CCN5: variants seen among roughly 807,000 people sequenced by gnomAD.
CCN5 encodes the protein CCN family member 5.
CCN5 carries 17 observed loss-of-function variants against 18.7 expected under a neutral mutation model. The observed-to-expected ratio is 0.91, with a 90% CI of 0.62 to 1.36. The LOEUF (loss-of-function observed/expected upper bound fraction) is 1.36. Among genes scored for constraint, CCN5 ranks in the 40% most tolerant of loss-of-function variants. The pLI is 0.00. For synonymous variants in CCN5, 135 were observed against 145.2 expected (o/e 0.93, Z 0.50); for missense variants, 367 against 342.9 (o/e 1.07, Z -0.56).
intron 2 of CCN5, 162 bp downstream of exon 2, chr20:44,720,275 C>T (rs1307984529): frequency 1.4e-6 from 1 of 729,536 alleles, no homozygotes; most frequent in African/African-American, 1.8e-5. Context: ...GCCCACTCCC[C>T]ACTCCCTCCT....
Position 44,725,434 on chromosome 20 carries a change from A to C in CCN5, c.532+442A>C, listed in dbSNP as rs148257898. ...GCCTGGCCGACAAGCACGAAACTTC[A>C]TCTCAAAAAGAGGAAAAAAGAAAGA... On this transcript the variant is annotated intron_variant, in intron 3 of 3. Transcript: ENST00000190983. Among the ~76,000 whole-genome samples, 609 of 150,960 alleles carry C rather than the reference A, an allele frequency of 4.0e-3. 9 individuals are homozygous for C. Among genetic ancestry groups the C allele is most frequent in the African/African-American group, 0.014 (575 of 41,038 alleles).
At chr20:44,722,278 A>G (rs750273391) in intron 2 of CCN5, among the ~76,000 whole-genome samples, 2 of 152,138 alleles carry the variant, frequency 1.3e-5, no homozygotes, top group South Asian at 2.1e-4. Context: ...GCTCTTCTCT[A>G]AGGGCCAACT....
rs543645792 is a variant in CCN5 at position 44,716,951 on chromosome 20, G to A, written c.60+1501G>A. Among the ~76,000 whole-genome samples, 8 of 152,286 alleles carry A rather than the reference G, an allele frequency of 5.3e-5. No homozygotes were observed. In the East Asian group the frequency reaches 7.7e-4, roughly 15 times the overall value. On this transcript the variant is annotated intron_variant, in intron 1 of 3. Transcript: ENST00000190983. ...GCCGTTTGTCCACATGTTCAGTCACGTAGCAAGTCACTGGCAGAACTTGAA... is the reference window on the plus strand; with the variant it reads ...GCCGTTTGTCCACATGTTCAGTCACATAGCAAGTCACTGGCAGAACTTGAA...
At position 44,727,663 on chromosome 20, in the gene CCN5, T is replaced by A; in HGVS notation, c.*356T>A. 1.7e-6 allele frequency: 1 copy of A among 605,384 alleles called. No individual in the cohort carries two copies. The highest frequency in any genetic ancestry group is 2.4e-6 in the Non-Finnish European group (1 of 416,242). The allele number at this position is 605,384 out of a possible 1,614,324, so 37.5% of individuals were successfully genotyped here. A position where few individuals can be genotyped will look rare whatever the true frequency, so the allele number is the denominator to read the frequency against. ...CCTGGGCAAGAGATGGGACAAGCAG[T>A]CCCTTAATATTGAGGCTGCAGCAGG... On this transcript the variant is annotated 3_prime_UTR_variant, in exon 4 of 4. Coordinates refer to ENST00000190983, the MANE Select transcript of CCN5 (RefSeq NM_003881.4).
At position 44,727,784 on chromosome 20, in the gene CCN5, T is replaced by C. The variant is rs2065947041; in HGVS notation, c.*477T>C. On this transcript the variant is annotated 3_prime_UTR_variant, in exon 4 of 4. Coordinates refer to ENST00000190983, the MANE Select transcript of CCN5 (RefSeq NM_003881.4). ...GCTGCCTTTTCTGGAGTTTGTAAAA[T>C]TGTTCCTGAATACAAGCCTATGCGT... is the stretch of plus-strand genomic sequence containing the variant. 1 of 215,398 alleles carries C rather than the reference T, an allele frequency of 4.6e-6. No individual in the cohort carries two copies. The highest frequency in any genetic ancestry group is 5.9e-5 in the Admixed American group (1 of 16,948). 13.3% of individuals were successfully genotyped at this position (215,398 alleles called of 1,614,324 possible).
intron 2 of CCN5, chr20:44,720,911 C>T (rs2065894704): frequency 6.6e-6 from 1 of 152,060 alleles, no homozygotes; most frequent in Non-Finnish European, 1.5e-5. Context: ...TAGCAGCATC[C>T]CCGAACTCCA....
In CCN5 at chr20:44,724,958, A is replaced by T. The variant is rs1426741081; in HGVS notation, c.498A>T (p.Gly166=). The change falls in exon 3 of 4, where the codon GGA becomes GGT. Residue 166 remains glycine (G), a synonymous_variant. Transcript: ENST00000190983. ...GCCCTGAGTGGGTGTGCGGCCAAGGAGGGGGACTGGGGACCCAGCCCCTTC... is the reference window on the plus strand; with the variant it reads ...GCCCTGAGTGGGTGTGCGGCCAAGGTGGGGGACTGGGGACCCAGCCCCTTC... ...KCCPEWVCGQ[G]GGLGTQPLPA... 2 of 1,596,076 alleles carry T rather than the reference A, an allele frequency of 1.3e-6. No individual in the cohort carries two copies. Among genetic ancestry groups the T allele is most frequent in the Admixed American group, 1.7e-5 (1 of 57,746 alleles).
At chr20:44,723,984 G>A (rs574225201) in intron 2 of CCN5, 1 of 152,352 alleles carries the variant, frequency 6.6e-6, no homozygotes, top group Non-Finnish European at 1.5e-5. Flanking sequence ...CAGCCCTCAA[G>A]GAGTTCATGT....
At chr20:44,725,658 A>G (rs2065931434) in intron 3 of CCN5, among the ~76,000 whole-genome samples, 1 of 151,768 alleles carries the variant, frequency 6.6e-6, no homozygotes, top group African/African-American at 2.4e-5. Context: ...TAGAATATAT[A>G]ATATTATCGT....
At position 44,720,040 on chromosome 20, in the gene CCN5, C is replaced by T. The variant is rs375710745; in HGVS notation, c.204C>T (p.His68=). The change falls in exon 2 of 4, where the codon CAC becomes CAT. Residue 68 remains histidine (H), a synonymous_variant. Transcript: ENST00000190983. The part of the protein sequence containing the change: ...RRLGEPCDQL[H]VCDASQGLVC... ...TGGGGGAGCCCTGCGACCAACTCCA[C>T]GTCTGCGACGCCAGCCAGGGCCTGG... The T allele has an allele frequency of 6.6e-5, 106 of 1,598,108 alleles. No individual in the cohort carries two copies. The African/African-American group carries it at 8.5e-4, about 13-fold the overall frequency.
intron 2 of CCN5, among the ~76,000 whole-genome samples, chr20:44,723,037 G>A (rs972497741): frequency 6.6e-6 from 1 of 152,062 alleles, no homozygotes; most frequent in Non-Finnish European, 1.5e-5. Context: ...CCATCTCAGA[G>A]GAAAAGCCAA....
chr20:44,721,903 G>A (rs905920127), intron 2 of CCN5, among the ~76,000 whole-genome samples: 3 of 152,254 alleles, frequency 2.0e-5, no homozygotes, highest in Non-Finnish European at 4.4e-5. Flanking sequence ...GCAGAGCTGA[G>A]ATTTGAACTC....
intron 1 of CCN5, 132 bp downstream of exon 1, chr20:44,715,582 C>A: frequency 4.1e-6 from 4 of 980,308 alleles, no homozygotes; most frequent in Non-Finnish European, 6.1e-6. Context: ...GTCTGGCCCC[C>A]ATGCCTAAGC....
chr20:44,719,885 C>G lies in CCN5; in HGVS notation c.61-12C>G. ...GAAAGCCCGTGGCTGAGTGAGGTCT[C>G]TGTCTCTTCAGGTGCGTACCCAGCT... On this transcript the variant is annotated splice_polypyrimidine_tract_variant and intron_variant, in intron 1 of 3. Transcript: ENST00000190983. 6.2e-7 allele frequency: 1 copy of G among 1,608,560 alleles called. No individual in the cohort carries two copies. Among genetic ancestry groups the G allele is most frequent in the Non-Finnish European group, 8.5e-7 (1 of 1,178,508 alleles).
intron 3 of CCN5, 111 bp from the exon 4 acceptor site, chr20:44,726,976 T>C: frequency 2.9e-6 from 3 of 1,044,234 alleles, no homozygotes; most frequent in Non-Finnish European, 1.4e-6. Flanking sequence ...GAAACTGAGA[T>C]GCAGAGAGGC....
intron 2 of CCN5, among the ~76,000 whole-genome samples, chr20:44,722,163 A>G (rs2065904159): frequency 6.6e-6 from 1 of 152,208 alleles, no homozygotes; most frequent in African/African-American, 2.4e-5. Flanking sequence ...GAGGCCGGGA[A>G]CTGGTGAACC....
Position 44,720,076 on chromosome 20 carries a change from C to T in CCN5, c.240C>T (p.Pro80=), listed in dbSNP as rs772502234. 63 of 1,574,292 alleles carry T rather than the reference C, an allele frequency of 4.0e-5. No individual in the cohort carries two copies. Among genetic ancestry groups the T allele is most frequent in the Admixed American group, 1.5e-4 (8 of 55,076 alleles). The stretch of plus-strand genomic sequence containing the variant: ...CCAGCCAGGGCCTGGTCTGCCAGCC[C>T]GGGGCAGGACCCGGTGGCCGGGGGG... ...CDASQGLVCQ[P]GAGPGGRGAL... The change falls in exon 2 of 4, where the codon CCC becomes CCT. Residue 80 remains proline (P), a synonymous_variant. Coordinates refer to ENST00000190983, the MANE Select transcript of CCN5 (RefSeq NM_003881.4).
At position 44,719,923 on chromosome 20, in the gene CCN5, A is replaced by G; in HGVS notation, c.87A>G (p.Pro29=). Residue 29 remains proline, a synonymous_variant, in exon 2 of 4, where the codon CCA becomes CCG. Transcript: ENST00000190983. The part of the protein sequence containing the change: ...SKVRTQLCPT[P]CTCPWPPPRC... ...TGCGTACCCAGCTGTGCCCGACACCATGTACCTGCCCCTGGCCACCTCCCC... is the reference window on the plus strand; with the variant it reads ...TGCGTACCCAGCTGTGCCCGACACCGTGTACCTGCCCCTGGCCACCTCCCC... 1 of 1,613,814 alleles carries G rather than the reference A, an allele frequency of 6.2e-7. No homozygotes were observed. Among genetic ancestry groups the G allele is most frequent in the Non-Finnish European group, 8.5e-7 (1 of 1,179,946 alleles).
chr20:44,721,183 T>A (rs143014266), intron 2 of CCN5: 5 of 152,210 alleles, frequency 3.3e-5, no homozygotes, highest in African/African-American at 1.2e-4. Context: ...GAATCATTGA[T>A]AATGAATTCA....
Sources: gnomAD v4.1 joint callset for allele counts (sites outside exome capture counted in the v4.1 genomes callset) on GRCh38, gnomAD v4.1.1 for gene constraint, MANE v1.5 for transcripts, NCBI Gene and HGNC (gene_info 2026-07-23, HGNC 2026-07-21) for gene names.